PKD1L3: variants seen among roughly 807,000 people sequenced by gnomAD.
PKD1L3 encodes polycystin 1 like 3, transient receptor potential channel interacting.
In PKD1L3, 239 loss-of-function variants were observed where a neutral mutation model predicts 184.1. The ratio of observed to expected loss-of-function variants is 1.30; its 90% CI spans 1.17 to 1.45. The LOEUF (loss-of-function observed/expected upper bound fraction) is 1.45, where lower values mean the gene tolerates loss of function less well. Ranked by LOEUF, PKD1L3 falls within the 40% of genes most tolerant of loss-of-function variation. The pLI is 0.00. For missense variants in PKD1L3, 2,660 were observed against 2,067.2 expected (o/e 1.29, Z -5.56); for synonymous variants, 996 against 778.8 (o/e 1.28, Z -4.64).
Position 71,980,128 on chromosome 16 carries a change from C to CA in PKD1L3, c.1149_1150insT (p.Asp384Ter). Reference sequence around the variant, plus strand: ...TCCACCAAGGACATTTCCAGGATGTCTTCTACCTGCATGGAAAGGAAAACA... The same window carrying CA: ...TCCACCAAGGACATTTCCAGGATGTCATTCTACCTGCATGGAAAGGAAAACA... On this transcript the variant is annotated frameshift_variant, in exon 8 of 30. Transcript: ENST00000620267. LOFTEE classifies it high-confidence loss of function. 6.4e-7 allele frequency: 1 copy of CA among 1,551,460 alleles called. No individual in the cohort carries two copies.
chr16:71,981,646 T>C (rs552204722), intron 7 of PKD1L3, among the ~76,000 whole-genome samples: 129 of 151,566 alleles, frequency 8.5e-4, no homozygotes, highest in African/African-American at 2.8e-3. Context: ...GTTCAAGCGA[T>C]TCTCCTGCCT....
rs142273979 is a variant in PKD1L3 at position 71,947,154 on chromosome 16, G to A, written c.3718+338C>T. 7.2e-5 allele frequency among the ~76,000 whole-genome samples: 11 copies of A among 152,228 alleles called. No individual in the cohort carries two copies. In the East Asian group the frequency reaches 2.1e-3, roughly 29 times the overall value. The stretch of plus-strand genomic sequence containing the variant: ...AGGCCTGTAATCCCAGCTACTCGGA[G>A]GCTGAGACAGGAGAATCGCTTGAAC... On this transcript the variant is annotated intron_variant, in intron 22 of 29. Transcript: ENST00000620267.
chr16:71,987,450 T>C (rs533285688), intron 4 of PKD1L3, among the ~76,000 whole-genome samples: 1 of 152,166 alleles, frequency 6.6e-6, no homozygotes, highest in African/African-American at 2.4e-5. Context: ...CTCAGCTCAC[T>C]GCAGCCTCCT....
At position 71,954,154 on chromosome 16, in the gene PKD1L3, A is replaced by G. The variant is rs28450081; in HGVS notation, c.2760T>C (p.Asn920=). The G allele has an allele frequency of 7.4e-3, 11,551 of 1,551,030 alleles. 771 individuals are homozygous for G. The African/African-American group carries it at 0.14, about 19-fold the overall frequency. Residue 920 remains asparagine (N), a synonymous_variant, in exon 17 of 30, where the codon AAT becomes AAC. Transcript: ENST00000620267. ...TGCTGTTTATCTTCCAGAACATAAC[A>G]TTGATGACCATGTTGCAGAGTAGCA... ...MTLLLCNMVI[N]VMFWKINSTT...
chr16:71,982,640 C>T (rs554035013), intron 6 of PKD1L3, among the ~76,000 whole-genome samples: 2 of 151,924 alleles, frequency 1.3e-5, no homozygotes, highest in Admixed American at 6.6e-5. Flanking sequence ...TCTGTTGCCC[C>T]GTCTGGAGTG....
At chr16:71,989,567 A>G (rs1439931219) in intron 4 of PKD1L3, among the ~76,000 whole-genome samples, 1 of 152,276 alleles carries the variant, frequency 6.6e-6, no homozygotes, top group Non-Finnish European at 1.5e-5. Context: ...CACAAGGGCA[A>G]GAATGCTGAG....
At chr16:71,970,798 A>G (rs939249859) in intron 12 of PKD1L3, among the ~76,000 whole-genome samples, 2 of 152,172 alleles carry the variant, frequency 1.3e-5, no homozygotes, top group African/African-American at 4.8e-5. Flanking sequence ...ACAGAGCAAG[A>G]CTCTGTCTCC....
Position 71,990,776 on chromosome 16 carries a change from A to C in PKD1L3, c.536-447T>G, listed in dbSNP as rs1020090679. On this transcript the variant is annotated intron_variant, in intron 3 of 29. Transcript: ENST00000620267. ...AAATAAAGGTAAGGAAGGAAAAGAC[A>C]AAAGGGAACCTATGATGATCACTCG... 3.9e-5 allele frequency among the ~76,000 whole-genome samples: 6 copies of C among 152,086 alleles called. No individual in the cohort carries two copies. The East Asian group carries it at 1.2e-3, about 29-fold the overall frequency.
chr16:71,979,692 C>G (rs1597357649), intron 9 of PKD1L3, 94 bp downstream of exon 9: 2 of 1,383,862 alleles, frequency 1.4e-6, no homozygotes. Context: ...CTGGTCTGTT[C>G]AGTTTACATT....
rs188576945 is a variant in PKD1L3, at chr16:71,948,335, G to A, written c.3619-744C>T. 7.2e-5 allele frequency among the ~76,000 whole-genome samples: 11 copies of A among 152,206 alleles called. No homozygotes were observed. In the South Asian group the frequency reaches 1.4e-3, roughly 20 times the overall value. The stretch of plus-strand genomic sequence containing the variant: ...TGACCTCAGGTAATCCGCCTGCCTC[G>A]GCCTCCCAAAGTGCTGGGTTTACAG... On this transcript the variant is annotated intron_variant, in intron 21 of 29. Coordinates refer to ENST00000620267, the MANE Select transcript of PKD1L3 (RefSeq NM_181536.2).
chr16:71,965,761 C>A (rs1289874466), intron 15 of PKD1L3, among the ~76,000 whole-genome samples: 1 of 152,030 alleles, frequency 6.6e-6, no homozygotes, highest in Non-Finnish European at 1.5e-5. Context: ...ACCATGTTGG[C>A]CAGGCTGGTC....
chr16:71,943,553 A>AAAC (rs1555514252), intron 23 of PKD1L3, among the ~76,000 whole-genome samples: 160 of 151,828 alleles, frequency 1.1e-3, no homozygotes, highest in African/African-American at 3.5e-3. Context: ...AAAAAAAAAA[A>AAAC]AAAAACATAA....
Position 71,949,633 on chromosome 16 carries a change from GT to G in PKD1L3, c.3618+149del, listed in dbSNP as rs2038752238. On this transcript the variant is annotated intron_variant, in intron 21 of 29. Coordinates refer to ENST00000620267, the MANE Select transcript of PKD1L3 (RefSeq NM_181536.2). ...CTCCCAAATTGCTGGGATTACATGT[GT>G]GAGCCACTACACCCAGCCTGGTTTG... The G allele has an allele frequency of 1.1e-5, 8 of 737,444 alleles. 1 individual carries two copies. In the South Asian group the frequency reaches 1.5e-4, roughly 14 times the overall value. 45.7% of individuals were successfully genotyped at this position (737,444 alleles called of 1,614,324 possible).
chr16:71,978,539 ATAC>A (rs2040024355), intron 9 of PKD1L3, among the ~76,000 whole-genome samples, 156 bp from the exon 10 acceptor site: 1 of 111,250 alleles, frequency 9.0e-6, no homozygotes, highest in Non-Finnish European at 1.8e-5. Flanking sequence ...ACATACATAC[ATAC>A]TTTTTTTTTT....
intron 3 of PKD1L3, among the ~76,000 whole-genome samples, chr16:71,992,780 G>C (rs2040640108): frequency 1.3e-5 from 2 of 152,076 alleles, no homozygotes; most frequent in South Asian, 2.1e-4. Flanking sequence ...ACTTTAAATC[G>C]ATCTGTTTCA....
rs1013495814 is a variant in PKD1L3, at chr16:71,933,340, G to A, written c.4926+80C>T. The A allele has an allele frequency of 1.2e-5, 12 of 1,000,132 alleles. No individual in the cohort carries two copies. In the African/African-American group the frequency reaches 1.9e-4, roughly 16 times the overall value. The allele number at this position is 1,000,132 out of a possible 1,614,324, so 62.0% of individuals were successfully genotyped here. ...TTTCCAGTGTGCAGTGTACAGTAGG[G>A]GGCTGTTTTCATAAGGACCCCCCCA... On this transcript the variant is annotated intron_variant, in intron 28 of 29. Coordinates refer to ENST00000620267, the MANE Select transcript of PKD1L3 (RefSeq NM_181536.2).
At chr16:71,973,073 G>A (rs1055225976) in intron 12 of PKD1L3, among the ~76,000 whole-genome samples, 6 of 152,156 alleles carry the variant, frequency 3.9e-5, no homozygotes, top group African/African-American at 1.4e-4. Flanking sequence ...ATCCACACTT[G>A]TCAGATCCAC....
chr16:71,934,309 C>CAT (rs1242757336), intron 26 of PKD1L3, among the ~76,000 whole-genome samples, 184 bp from the exon 27 acceptor site: 2 of 152,138 alleles, frequency 1.3e-5, no homozygotes, highest in East Asian at 3.9e-4. Context: ...CAGAAGGCCA[C>CAT]ATACTATTCA....
chr16:71,980,647 G>A (rs139793311), intron 7 of PKD1L3, among the ~76,000 whole-genome samples: 9 of 152,158 alleles, frequency 5.9e-5, no homozygotes, highest in South Asian at 2.1e-4. Context: ...CTACCTGGCC[G>A]ACATTGTGAA....
Sources: allele counts gnomAD v4.1 joint callset (sites outside exome capture counted in the v4.1 genomes callset), GRCh38; gene constraint gnomAD v4.1.1; transcripts MANE v1.5; gene names NCBI Gene and HGNC (gene_info 2026-07-23, HGNC 2026-07-21).